SESN1: variants seen among roughly 807,000 people sequenced by gnomAD.
SESN1 encodes sestrin-1.
SESN1 carries 30 observed loss-of-function variants against 59.3 expected under a neutral mutation model. The ratio of observed to expected loss-of-function variants is 0.51; its 90% confidence interval spans 0.38 to 0.69. The LOEUF (loss-of-function observed/expected upper bound fraction) is 0.69, where lower values mean the gene tolerates loss of function less well. SESN1 is among the 30% of genes least tolerant of loss of function. The pLI is 0.00. For missense variants in SESN1, 566 were observed against 673.0 expected (o/e 0.84, Z 1.76); for synonymous variants, 197 against 219.9 (o/e 0.90, Z 0.92).
chr6:109,048,997 T>C (rs150668559), intron 1 of SESN1, among the ~76,000 whole-genome samples: 6 of 152,328 alleles, frequency 3.9e-5, no homozygotes, highest in Admixed American at 3.3e-4. Flanking sequence ...CTTTGTCCTT[T>C]TTGCTTAGCA....
intron 1 of SESN1, among the ~76,000 whole-genome samples, chr6:109,091,843 C>T (rs1353411468): frequency 1.3e-5 from 2 of 152,154 alleles, no homozygotes; most frequent in East Asian, 3.9e-4. Flanking sequence ...GGGGTGGAAA[C>T]TCCCTAAACT....
At chr6:109,036,976 C>T (rs1225096729) in intron 1 of SESN1, among the ~76,000 whole-genome samples, 1 of 152,200 alleles carries the variant, frequency 6.6e-6, no homozygotes, top group Non-Finnish European at 1.5e-5. Flanking sequence ...GGTTCAGCAC[C>T]TCAGTTAGGA....
At chr6:109,004,759 C>CATAG (rs1554263335) in intron 1 of SESN1, among the ~76,000 whole-genome samples, 2 of 151,990 alleles carry the variant, frequency 1.3e-5, no homozygotes, top group Non-Finnish European at 2.9e-5. Flanking sequence ...GAGCAAACAA[C>CATAG]ACAGTTCAAG....
chr6:109,057,691 G>A (rs1203416868), intron 1 of SESN1, among the ~76,000 whole-genome samples: 1 of 152,182 alleles, frequency 6.6e-6, no homozygotes, highest in Non-Finnish European at 1.5e-5. Context: ...TTTAAAGGCA[G>A]TGGCAAGGAT....
chr6:108,986,102 A>ACTT lies in SESN1; in HGVS notation c.*1439_*1441dup, dbSNP rs1472785322. On this transcript the variant is annotated 3_prime_UTR_variant, in exon 10 of 10. Transcript: ENST00000436639. The stretch of plus-strand genomic sequence containing the variant: ...TTATCATCACAACAGCTTCAGTTAA[A>ACTT]CTTAGAGCTATTTCTACTTGTCTGA... 6.6e-6 allele frequency among the ~76,000 whole-genome samples: 1 copy of ACTT among 152,132 alleles called. No homozygotes were observed. Among genetic ancestry groups the ACTT allele is most frequent in the Admixed American group, 6.6e-5 (1 of 15,266 alleles).
chr6:109,049,338 A>G (rs1166222732), intron 1 of SESN1, among the ~76,000 whole-genome samples: 2 of 152,122 alleles, frequency 1.3e-5, no homozygotes, highest in Non-Finnish European at 2.9e-5. Flanking sequence ...AGTTGATCTC[A>G]TGGAAGTAAA....
At chr6:109,073,107 C>T (rs1780966690) in intron 1 of SESN1, among the ~76,000 whole-genome samples, 1 of 151,998 alleles carries the variant, frequency 6.6e-6, no homozygotes, top group South Asian at 2.1e-4. Flanking sequence ...CCTTGCTCTG[C>T]CATCTGCACT....
At chr6:109,039,090 GAGA>G (rs1475093955) in intron 1 of SESN1, among the ~76,000 whole-genome samples, 2 of 146,804 alleles carry the variant, frequency 1.4e-5, no homozygotes, top group African/African-American at 2.5e-5. Context: ...GGAGGAAAAG[GAGA>G]AGGAGGGAGG....
At chr6:109,008,190 C>G (rs1457556885) in intron 1 of SESN1, among the ~76,000 whole-genome samples, 1 of 152,114 alleles carries the variant, frequency 6.6e-6, no homozygotes, top group Non-Finnish European at 1.5e-5. Flanking sequence ...TGAGCAAGAA[C>G]CAGGACTCTG....
rs189671035 is a variant in SESN1 at position 108,988,745 on chromosome 6, T to C, written c.1425-58A>G. ...TTCAGTGTATAACCTGTTTTCATCTTACAAAAGTATACACATCAATAGTTA... is the reference window on the plus strand; with the variant it reads ...TTCAGTGTATAACCTGTTTTCATCTCACAAAAGTATACACATCAATAGTTA... On this transcript the variant is annotated intron_variant, in intron 8 of 9. Transcript: ENST00000436639. 19 of 1,329,446 alleles carry C rather than the reference T, an allele frequency of 1.4e-5. No homozygotes were observed. The Admixed American group carries it at 3.7e-4, about 26-fold the overall frequency. The allele number at this position is 1,329,446 out of a possible 1,614,324, so 82.4% of individuals were successfully genotyped here. A position where few individuals can be genotyped will look rare whatever the true frequency, so the allele number is the denominator to read the frequency against.
intron 1 of SESN1, among the ~76,000 whole-genome samples, chr6:109,064,702 G>T (rs1780793087): frequency 1.2e-5 from 1 of 85,520 alleles, no homozygotes; most frequent in Non-Finnish European, 2.3e-5. Flanking sequence ...GAGAGAGAGG[G>T]AGAGAGATGA....
chr6:109,046,420 T>A lies in SESN1; in HGVS notation c.280-44077A>T, dbSNP rs1249126429. ...CCCAGGCTGGAGTGCAGTGGCATGA[T>A]CTCGGCTCACTACAACCTACACCTC... On this transcript the variant is annotated intron_variant, in intron 1 of 9. Transcript: ENST00000436639. Among the ~76,000 whole-genome samples the A allele has an allele frequency of 2.3e-4, 35 of 150,794 alleles. 1 individual carries two copies. Among genetic ancestry groups the A allele is most frequent in the Non-Finnish European group, 1.2e-4 (8 of 67,566 alleles).
In SESN1 at chr6:108,986,205, C is replaced by CT. The variant is rs1779184336; in HGVS notation, c.*1338dup. 6.6e-6 allele frequency among the ~76,000 whole-genome samples: 1 copy of CT among 152,134 alleles called. No individual in the cohort carries two copies. The highest frequency in any genetic ancestry group is 2.4e-5 in the African/African-American group (1 of 41,398). On this transcript the variant is annotated 3_prime_UTR_variant, in exon 10 of 10. Coordinates refer to ENST00000436639, the MANE Select transcript of SESN1 (RefSeq NM_014454.3). ...TAATTCTTAAAATTCTATTGGAACT[C>CT]TAAAACAGTTGAAAAGAGAGCAGGC...
intron 1 of SESN1, among the ~76,000 whole-genome samples, chr6:109,025,476 C>T (rs1780077412): frequency 6.6e-6 from 1 of 150,486 alleles, no homozygotes; most frequent in Non-Finnish European, 1.5e-5. Context: ...GTGAGGACTA[C>T]AGGAAACAAT....
chr6:108,990,735 G>GT lies in SESN1; in HGVS notation c.1333dup (p.Thr445AsnfsTer3). On this transcript the variant is annotated frameshift_variant, in exon 8 of 10. Transcript: ENST00000436639. LOFTEE classifies it high-confidence loss of function. ...TTTGTGCATTGCCATTGTATTATAA[G>GT]TAAGATTGTAAGCAATGTGAAATTT... The GT allele has an allele frequency of 6.2e-7, 1 of 1,614,050 alleles. No homozygotes were observed. Among genetic ancestry groups the GT allele is most frequent in the Non-Finnish European group, 8.5e-7 (1 of 1,179,952 alleles).
At chr6:109,064,929 C>T (rs1780797622) in intron 1 of SESN1, among the ~76,000 whole-genome samples, 1 of 152,008 alleles carries the variant, frequency 6.6e-6, no homozygotes, top group South Asian at 2.1e-4. Context: ...CCTCTAGTTG[C>T]CTAAATGTCT....
chr6:109,083,842 T>C lies in SESN1; in HGVS notation c.279+9953A>G, dbSNP rs1781164788. On this transcript the variant is annotated intron_variant, in intron 1 of 9. Coordinates refer to ENST00000436639, the MANE Select transcript of SESN1 (RefSeq NM_014454.3). ...ACATGATTGGAAGAATGTCTTGCTG[T>C]GTTTAGGCTATGAATAGCATTTGAA... 2.0e-5 allele frequency among the ~76,000 whole-genome samples: 3 copies of C among 152,222 alleles called. No homozygotes were observed. The South Asian group carries it at 6.2e-4, about 31-fold the overall frequency.
At chr6:109,049,433 T>C (rs1359242418) in intron 1 of SESN1, among the ~76,000 whole-genome samples, 1 of 152,072 alleles carries the variant, frequency 6.6e-6, no homozygotes, top group Non-Finnish European at 1.5e-5. Context: ...TACAAAATTA[T>C]AGCTAGATAA....
intron 1 of SESN1, among the ~76,000 whole-genome samples, chr6:109,029,623 A>G (rs912469451): frequency 6.6e-5 from 10 of 152,062 alleles, no homozygotes; most frequent in African/African-American, 2.4e-4. Context: ...TGCAGTCTTG[A>G]GCTTGGGGCT....
Sources: allele counts gnomAD v4.1 joint callset (sites outside exome capture counted in the v4.1 genomes callset), GRCh38; gene constraint gnomAD v4.1.1; transcripts MANE v1.5; gene names NCBI Gene and HGNC (gene_info 2026-07-23, HGNC 2026-07-21).